The following SLC16A12 variants were observed in gnomAD, a reference collection of about 807,000 sequenced individuals.
The protein encoded by SLC16A12 is monocarboxylate transporter 12.
A neutral mutation model predicts 42.4 loss-of-function variants in SLC16A12; 17 were observed. The observed-to-expected ratio is 0.40, with a 90% CI of 0.27 to 0.60. SLC16A12 has a LOEUF of 0.60. Ranked by LOEUF, SLC16A12 falls within the 20% of genes least tolerant of loss-of-function variation. The probability of loss-of-function intolerance (pLI) is 0.42; values close to 1 mark genes in which losing one functional copy is unlikely to be tolerated. For synonymous variants in SLC16A12, 224 were observed against 229.4 expected (o/e 0.98, Z 0.21); for missense variants, 544 against 623.0 (o/e 0.87, Z 1.35).
chr10:89,535,849 G>A (rs1038178824), upstream of SLC16A12, among the ~76,000 whole-genome samples: 10 of 152,194 alleles, frequency 6.6e-5, no homozygotes, highest in Non-Finnish European at 1.5e-4. Context: ...GCGAGGCTGG[G>A]GCCGGGGGCC....
intron 2 of SLC16A12, among the ~76,000 whole-genome samples, chr10:89,521,844 T>C (rs1444369577): frequency 1.3e-5 from 2 of 152,252 alleles, no homozygotes; most frequent in Non-Finnish European, 1.5e-5. Context: ...AACACTGCCA[T>C]GCAAAATGTA....
At chr10:89,521,925 A>G (rs1843364546) in intron 2 of SLC16A12, among the ~76,000 whole-genome samples, 1 of 152,184 alleles carries the variant, frequency 6.6e-6, no homozygotes, top group Non-Finnish European at 1.5e-5. Context: ...GCCGGAAACC[A>G]GCTATCCTTT....
intron 3 of SLC16A12, among the ~76,000 whole-genome samples, chr10:89,459,491 A>T (rs889406744): frequency 7.3e-6 from 1 of 136,122 alleles, no homozygotes; most frequent in African/African-American, 2.5e-5. Flanking sequence ...TATGTATTGG[A>T]AAGGGCATAG....
chr10:89,535,654 G>A (rs1843645429), upstream of SLC16A12: 1 of 148,344 alleles, frequency 6.7e-6, no homozygotes, highest in African/African-American at 2.5e-5. Flanking sequence ...TGCCACACCC[G>A]CCCCCAGCCC....
At chr10:89,462,245 C>G in intron 3 of SLC16A12, 134 bp downstream of exon 3, 1 of 1,254,312 alleles carries the variant, frequency 8.0e-7, no homozygotes, top group Middle Eastern at 1.9e-4. Context: ...CCTGAAGAGT[C>G]AACGGAAATA....
In SLC16A12 at chr10:89,497,740, G is replaced by GAA. The variant is rs34547324; in HGVS notation, c.-46-35118_-46-35117dup. Among the ~76,000 whole-genome samples the GAA allele has an allele frequency of 5.3e-3, 799 of 150,470 alleles. 2 individuals are homozygous for GAA. The highest frequency in any genetic ancestry group is 0.01 in the Middle Eastern group (3 of 294). ...TAATAGGGGTAGAGATCAGAAAGAG[G>GAA]AAAAAAAAACCCAACATGATTTCAT... is the stretch of plus-strand genomic sequence containing the variant. On this transcript the variant is annotated intron_variant, in intron 2 of 7. Transcript: ENST00000371790.
At chr10:89,457,046 A>C (rs1195175753) in intron 3 of SLC16A12, among the ~76,000 whole-genome samples, 1 of 152,178 alleles carries the variant, frequency 6.6e-6, no homozygotes, top group Non-Finnish European at 1.5e-5. Flanking sequence ...ATTATAATAG[A>C]ATGATTTATA....
chr10:89,454,526 C>T (rs2133723883), intron 3 of SLC16A12, among the ~76,000 whole-genome samples: 1 of 152,194 alleles, frequency 6.6e-6, no homozygotes, highest in African/African-American at 2.4e-5. Flanking sequence ...CATGAGCTAG[C>T]CCTTCTTAGT....
At chr10:89,482,487 G>A (rs1031329894) in intron 2 of SLC16A12, among the ~76,000 whole-genome samples, 2 of 152,066 alleles carry the variant, frequency 1.3e-5, no homozygotes, top group Non-Finnish European at 2.9e-5. Flanking sequence ...TCATAGTTAA[G>A]AGTCTAATAG....
chr10:89,445,070 T>C (rs1352083124), intron 3 of SLC16A12, among the ~76,000 whole-genome samples: 1 of 152,224 alleles, frequency 6.6e-6, no homozygotes, highest in Non-Finnish European at 1.5e-5. Context: ...TTGCTGAGGC[T>C]TGAGTAGGTA....
chr10:89,447,255 A>G (rs1842019436), intron 3 of SLC16A12, among the ~76,000 whole-genome samples: 1 of 152,202 alleles, frequency 6.6e-6, no homozygotes, highest in Non-Finnish European at 1.5e-5. Flanking sequence ...CACCAAGCAG[A>G]CCTAACAGAC....
intron 6 of SLC16A12, 94 bp downstream of exon 6, chr10:89,438,510 C>G: frequency 6.2e-6 from 7 of 1,121,236 alleles, no homozygotes; most frequent in Non-Finnish European, 6.4e-6. Context: ...TAACATTATT[C>G]AGACCTAGGT....
At chr10:89,537,702 G>A (rs1478153174), upstream of SLC16A12, among the ~76,000 whole-genome samples, 1 of 152,050 alleles carries the variant, frequency 6.6e-6, no homozygotes, top group Non-Finnish European at 1.5e-5. Context: ...CATTGCTTTG[G>A]GTGGCAAATA....
intron 2 of SLC16A12, among the ~76,000 whole-genome samples, chr10:89,497,146 G>A (rs927158207): frequency 5.3e-5 from 8 of 152,110 alleles, no homozygotes; most frequent in East Asian, 3.8e-4. Flanking sequence ...TTAATGACAG[G>A]AAAAACCAGA....
intron 2 of SLC16A12, among the ~76,000 whole-genome samples, chr10:89,542,030 T>C (rs1215684209): frequency 6.6e-6 from 1 of 152,190 alleles, no homozygotes; most frequent in Non-Finnish European, 1.5e-5. Context: ...AGTGCCTTTC[T>C]CTCCGGGTGC....
At chr10:89,465,851 A>G (rs1366195881) in intron 2 of SLC16A12, among the ~76,000 whole-genome samples, 1 of 152,206 alleles carries the variant, frequency 6.6e-6, no homozygotes, top group Non-Finnish European at 1.5e-5. Context: ...CAGAACGGGA[A>G]GTATCCAGCC....
At chr10:89,527,730 G>A (rs978957022) in intron 2 of SLC16A12, among the ~76,000 whole-genome samples, 1 of 151,386 alleles carries the variant, frequency 6.6e-6, no homozygotes, top group Admixed American at 6.6e-5. Flanking sequence ...CCTGAGCCTA[G>A]TAGTTCAAGG....
chr10:89,446,342 A>G (rs1457205575), intron 3 of SLC16A12, among the ~76,000 whole-genome samples: 1 of 152,244 alleles, frequency 6.6e-6, no homozygotes, highest in Non-Finnish European at 1.5e-5. Context: ...AAAAAATGTT[A>G]AGGGCAGTCA....
chr10:89,501,456 A>G (rs544066304), intron 2 of SLC16A12, among the ~76,000 whole-genome samples: 1 of 152,384 alleles, frequency 6.6e-6, no homozygotes, highest in Non-Finnish European at 1.5e-5. Context: ...AAAAGCAGGT[A>G]CTAGTATAGA....
Sources: allele counts gnomAD v4.1 joint callset (sites outside exome capture counted in the v4.1 genomes callset), GRCh38; gene constraint gnomAD v4.1.1; transcripts MANE v1.5; gene names NCBI Gene and HGNC (gene_info 2026-07-23, HGNC 2026-07-21).